Variants in FGFR2 observed in about 807,000 individuals in gnomAD.
FGFR2 encodes the protein BEK fibroblast growth factor receptor.
In FGFR2, 19 loss-of-function variants were observed where a neutral mutation model predicts 95.9. The observed-to-expected ratio is 0.20, with a 90% CI of 0.14 to 0.29. The LOEUF (loss-of-function observed/expected upper bound fraction) is 0.29, where lower values mean the gene tolerates loss of function less well. Ranked by LOEUF, FGFR2 falls within the 10% of genes least tolerant of loss-of-function variation. The pLI is 1.00. For synonymous variants in FGFR2, 392 were observed against 393.3 expected (o/e 1.00, Z 0.04); for missense variants, 707 against 1,056.9 (o/e 0.67, Z 4.59).
chr10:121,494,834 C>G (rs1846568268), intron 13 of FGFR2, among the ~76,000 whole-genome samples: 1 of 152,132 alleles, frequency 6.6e-6, no homozygotes, highest in African/African-American at 2.4e-5. Context: ...CAACAGATAC[C>G]ACTGTCACCA....
chr10:121,525,920 C>T (rs1047774625), intron 6 of FGFR2, among the ~76,000 whole-genome samples: 2 of 152,174 alleles, frequency 1.3e-5, no homozygotes, highest in East Asian at 1.9e-4. Context: ...GCTGGTTTCC[C>T]AGCTCACACT....
chr10:121,481,743 T>C (rs1844717351), intron 17 of FGFR2: 2 of 226,006 alleles, frequency 8.8e-6, no homozygotes, highest in East Asian at 1.3e-4. Context: ...GGACCCACTC[T>C]ACATGTAAAT....
chr10:121,591,940 G>C (rs887917078), intron 2 of FGFR2, among the ~76,000 whole-genome samples: 4 of 152,214 alleles, frequency 2.6e-5, no homozygotes, highest in East Asian at 3.9e-4. Flanking sequence ...TGCCTCACCT[G>C]TCCCTCCCTG....
At chr10:121,508,614 C>T (rs61876366) in intron 9 of FGFR2, among the ~76,000 whole-genome samples, 6,166 of 152,168 alleles carry the variant, frequency 0.041, 169 homozygotes, top group Middle Eastern at 0.078. Flanking sequence ...ATAAGAAAGC[C>T]TTTATCAACT....
intron 6 of FGFR2, among the ~76,000 whole-genome samples, chr10:121,528,769 C>A (rs1264207160): frequency 1.3e-5 from 2 of 152,174 alleles, no homozygotes; most frequent in Non-Finnish European, 2.9e-5. Context: ...AATAGTCACC[C>A]AGATCACAAA....
At chr10:121,545,496 G>A (rs1467866919) in intron 5 of FGFR2, among the ~76,000 whole-genome samples, 3 of 152,160 alleles carry the variant, frequency 2.0e-5, no homozygotes, top group Admixed American at 2.0e-4. Flanking sequence ...TGCTCCATGG[G>A]AGGCACCTGG....
chr10:121,534,870 G>A (rs765884842), intron 6 of FGFR2, among the ~76,000 whole-genome samples: 2 of 152,148 alleles, frequency 1.3e-5, no homozygotes, highest in Non-Finnish European at 2.9e-5. Context: ...CTGATGCCTC[G>A]TAACTAATGT....
At chr10:121,513,885 G>C (rs1849360208) in intron 9 of FGFR2, among the ~76,000 whole-genome samples, 1 of 152,108 alleles carries the variant, frequency 6.6e-6, no homozygotes, top group African/African-American at 2.4e-5. Flanking sequence ...TTTGAAGCTG[G>C]GTTGTGAACA....
chr10:121,493,221 T>C (rs1489352178), intron 13 of FGFR2, among the ~76,000 whole-genome samples: 1 of 152,206 alleles, frequency 6.6e-6, no homozygotes, highest in Admixed American at 6.5e-5. Flanking sequence ...GGTTAGCTTC[T>C]CCCGGAGGGG....
intron 2 of FGFR2, among the ~76,000 whole-genome samples, chr10:121,574,531 A>AAAC (rs1554857550): frequency 6.6e-6 from 1 of 151,578 alleles, no homozygotes; most frequent in Non-Finnish European, 1.5e-5. Flanking sequence ...TCCATCTCAA[A>AAAC]AATAATAATA....
intron 2 of FGFR2, among the ~76,000 whole-genome samples, chr10:121,580,638 C>T (rs1053143700): frequency 6.6e-6 from 1 of 152,136 alleles, no homozygotes; most frequent in Non-Finnish European, 1.5e-5. Flanking sequence ...GAAGGCAGGT[C>T]GGAGCCACAG....
At chr10:121,512,547 TTTTTGTTTTG>T (rs533841101) in intron 9 of FGFR2, among the ~76,000 whole-genome samples, 108 of 151,864 alleles carry the variant, frequency 7.1e-4, no homozygotes, top group African/African-American at 2.1e-3. Context: ...CCACTTTGGG[TTTTTGTTTTG>T]TTTTGTTTTG....
intron 5 of FGFR2, among the ~76,000 whole-genome samples, chr10:121,542,321 G>T (rs41295469): frequency 2.6e-5 from 4 of 152,144 alleles, no homozygotes; most frequent in African/African-American, 9.7e-5. Context: ...TAAGCAGTGG[G>T]ATTATGGGTA....
rs745412111 is a variant in FGFR2 at position 121,588,855 on chromosome 10, G to A, written c.109+4854C>T. ...ACAGTGAGCCACGTTTGACAATGCA[G>A]TGAGGGTACAATTGCACCATTGTAC... On this transcript the variant is annotated intron_variant, in intron 2 of 17. Coordinates refer to ENST00000358487, the MANE Select transcript of FGFR2 (RefSeq NM_000141.5). Among the ~76,000 whole-genome samples, 28 of 152,090 alleles carry A rather than the reference G, an allele frequency of 1.8e-4. 1 individual carries two copies. Among genetic ancestry groups the A allele is most frequent in the Admixed American group, 1.6e-3 (24 of 15,262 alleles).
At chr10:121,546,542 T>C (rs117762063) in intron 5 of FGFR2, among the ~76,000 whole-genome samples, 213 of 152,354 alleles carry the variant, frequency 1.4e-3, no homozygotes, top group Middle Eastern at 3.4e-3. Context: ...ATGGGTTCTT[T>C]GATAAACAAG....
Position 121,573,782 on chromosome 10 carries a change from G to A in FGFR2, c.110-8078C>T, listed in dbSNP as rs41302283. On this transcript the variant is annotated intron_variant, in intron 2 of 17. Transcript: ENST00000358487. ...CCGTTTGTACCTGGAGGCACAGCTG[G>A]GACTCCCACAAGCACTGTAACAGGA... Among the ~76,000 whole-genome samples the A allele has an allele frequency of 3.2e-3, 481 of 152,188 alleles. 2 individuals carry two copies. Among genetic ancestry groups the A allele is most frequent in the African/African-American group, 0.011 (448 of 41,502 alleles).
chr10:121,536,644 G>A (rs3135752), intron 6 of FGFR2, among the ~76,000 whole-genome samples: 11,613 of 152,260 alleles, frequency 0.076, 576 homozygotes, highest in Middle Eastern at 0.17. Context: ...TCACAGGGAT[G>A]AGCCGCCAGA....
At position 121,565,696 on chromosome 10, in the gene FGFR2, T is replaced by C. The variant is rs2135124714; in HGVS notation, c.118A>G (p.Thr40Ala). The change falls in exon 3 of 18, where the codon ACC (threonine) becomes GCC (alanine). Residue 40 changes from threonine (T) to alanine (A), a missense_variant. Physicochemically the swap from Thr to Ala is moderately conservative, Grantham distance 58. This residue lies in a region of FGFR2 where 178 missense variants were observed against 194.1 expected (regional missense o/e 0.92). Transcript: ENST00000358487. ...TCTGGTTGAGAGATTTGGTATTTGG[T>C]TGGTGGCTCTGCAGAAAGGTGGGAG... ...DTTLEPEEPP[T>A]KYQISQPEVY... 1.9e-6 allele frequency: 3 copies of C among 1,614,056 alleles called. No homozygotes were observed. Among genetic ancestry groups the C allele is most frequent in the Non-Finnish European group, 2.5e-6 (3 of 1,180,002 alleles).
At chr10:121,487,923 C>T (rs2133832116) in intron 14 of FGFR2, 68 bp downstream of exon 14, 1 of 1,604,436 alleles carries the variant, frequency 6.2e-7, no homozygotes. Context: ...ACATTGACGG[C>T]CTTTCTTCCT....
Sources: gnomAD v4.1 joint callset for allele counts (sites outside exome capture counted in the v4.1 genomes callset) on GRCh38, gnomAD v4.1.1 for gene constraint, gnomAD v4.1.1 regional missense constraint, MANE v1.5 for transcripts, NCBI Gene and HGNC (gene_info 2026-07-23, HGNC 2026-07-21) for gene names.